MGAT4C: variants seen among roughly 807,000 people sequenced by gnomAD.
MGAT4C encodes the protein MGAT4 family member C, also known as alpha-1,3-mannosyl-glycoprotein 4-beta-N-acetylglucosaminyltransferase C.
MGAT4C carries 19 observed loss-of-function variants against 40.1 expected under a neutral mutation model. The observed-to-expected ratio is 0.47, with a 90% CI of 0.33 to 0.70. The LOEUF (loss-of-function observed/expected upper bound fraction) is 0.70, where lower values mean the gene tolerates loss of function less well. Ranked by LOEUF, MGAT4C falls within the 30% of genes least tolerant of loss-of-function variation. MGAT4C has a pLI of 0.02. For synonymous variants in MGAT4C, 181 were observed against 187.1 expected (o/e 0.97, Z 0.27); for missense variants, 491 against 563.2 (o/e 0.87, Z 1.30).
chr12:86,298,447 G>A (rs1953733759), intron 4 of MGAT4C, among the ~76,000 whole-genome samples: 1 of 152,008 alleles, frequency 6.6e-6, no homozygotes, highest in African/African-American at 2.4e-5. Flanking sequence ...TTATACATCA[G>A]CAACTTTTAT....
chr12:86,367,432 C>T (rs550462251), intron 3 of MGAT4C, among the ~76,000 whole-genome samples: 8 of 152,216 alleles, frequency 5.3e-5, no homozygotes, highest in African/African-American at 1.9e-4. Context: ...ACTCTCCCTC[C>T]CAGATAAGCA....
chr12:86,555,270 C>CA (rs1048943442), intron 2 of MGAT4C, among the ~76,000 whole-genome samples: 23 of 151,648 alleles, frequency 1.5e-4, no homozygotes, highest in African/African-American at 4.1e-4. Context: ...CCACAGTGTC[C>CA]AAAAAAAGAC....
At chr12:86,520,902 G>A (rs12579580) in intron 2 of MGAT4C, among the ~76,000 whole-genome samples, 9,741 of 151,956 alleles carry the variant, frequency 0.064, 743 homozygotes, top group East Asian at 0.24. Flanking sequence ...CTTGTCCTCT[G>A]TCCACTTTTT....
rs146742884 is a variant in MGAT4C at position 86,796,651 on chromosome 12, T to C, written c.-262+42015A>G. 7.0e-3 allele frequency among the ~76,000 whole-genome samples: 1,070 copies of C among 151,988 alleles called. 11 individuals carry two copies. Among genetic ancestry groups the C allele is most frequent in the African/African-American group, 0.025 (1,018 of 41,538 alleles). On this transcript the variant is annotated intron_variant, in intron 1 of 7. Transcript: ENST00000548651. ...CTATAGTTAACAATATATAGCATTC[T>C]TGAAAAATGTTAAGAGAATGGGTGT...
intron 3 of MGAT4C, among the ~76,000 whole-genome samples, chr12:86,406,787 T>C (rs1348222609): frequency 6.6e-6 from 1 of 152,266 alleles, no homozygotes; most frequent in East Asian, 1.9e-4. Flanking sequence ...TAAACTTTTT[T>C]ATCTCTTCAC....
intron 4 of MGAT4C, among the ~76,000 whole-genome samples, chr12:86,329,102 C>A (rs917196959): frequency 3.6e-5 from 5 of 139,316 alleles, no homozygotes; most frequent in African/African-American, 5.3e-5. Flanking sequence ...GACTCCATTT[C>A]AATAAATAAA....
At chr12:86,603,787 TATATA>T (rs1213339835) in intron 2 of MGAT4C, among the ~76,000 whole-genome samples, 1 of 23,610 alleles carries the variant, frequency 4.2e-5, no homozygotes, top group African/African-American at 7.0e-5. Context: ...TACTATATAA[TATATA>T]GTATATATAT....
At chr12:86,771,586 G>T (rs1951637520) in intron 1 of MGAT4C, among the ~76,000 whole-genome samples, 1 of 152,038 alleles carries the variant, frequency 6.6e-6, no homozygotes, top group South Asian at 2.1e-4. Flanking sequence ...GGTGGTTGAT[G>T]CCTGTAATCC....
intron 2 of MGAT4C, among the ~76,000 whole-genome samples, chr12:86,580,389 A>G (rs540629498): frequency 1.5e-4 from 22 of 151,520 alleles, no homozygotes; most frequent in Non-Finnish European, 2.7e-4. Flanking sequence ...GTCTAACACT[A>G]TATCTATCCC....
At chr12:86,630,563 T>C (rs1410553269) in intron 2 of MGAT4C, among the ~76,000 whole-genome samples, 1 of 151,688 alleles carries the variant, frequency 6.6e-6, no homozygotes, top group Non-Finnish European at 1.5e-5. Context: ...CAAGATCAAG[T>C]TGGTTTCATC....
intron 4 of MGAT4C, among the ~76,000 whole-genome samples, chr12:86,320,162 C>T (rs1242582110): frequency 2.0e-5 from 3 of 152,048 alleles, no homozygotes; most frequent in Admixed American, 6.6e-5. Context: ...TCTTTTTTTA[C>T]TCTCAGCTTG....
chr12:86,245,433 T>G (rs1951985014), intron 1 of MGAT4C, among the ~76,000 whole-genome samples: 1 of 152,212 alleles, frequency 6.6e-6, no homozygotes, highest in Non-Finnish European at 1.5e-5. Context: ...TTCTGCCTCC[T>G]TTTTTGAACT....
intron 3 of MGAT4C, among the ~76,000 whole-genome samples, chr12:86,399,260 G>T (rs992846084): frequency 1.3e-5 from 2 of 151,790 alleles, no homozygotes; most frequent in Non-Finnish European, 2.9e-5. Context: ...GCGAGCCACT[G>T]AGCCCATCCT....
At chr12:86,401,086 C>T (rs920850350) in intron 3 of MGAT4C, among the ~76,000 whole-genome samples, 2 of 151,870 alleles carry the variant, frequency 1.3e-5, no homozygotes, top group African/African-American at 4.8e-5. Flanking sequence ...TTGAATTTAT[C>T]TCAGTATTTT....
intron 1 of MGAT4C, among the ~76,000 whole-genome samples, chr12:86,086,646 C>T (rs1871904752): frequency 1.3e-5 from 2 of 151,888 alleles, no homozygotes; most frequent in Admixed American, 6.6e-5. Context: ...TATCCATTAC[C>T]TCAAGTATTT....
rs373850443 is a variant in MGAT4C, at chr12:86,185,656, T to G, written c.-57+70583A>C. ...TATATGTGACATCTTTACTTTGACT[T>G]GAAATCAGCAATTAACTGCAGATTG... On this transcript the variant is annotated intron_variant, in intron 1 of 4. Coordinates refer to ENST00000611864, the MANE Select transcript of MGAT4C (RefSeq NM_001351288.2). Among the ~76,000 whole-genome samples the G allele has an allele frequency of 1.2e-4, 19 of 152,316 alleles. No individual in the cohort carries two copies. The South Asian group carries it at 3.7e-3, about 30-fold the overall frequency.
intron 1 of MGAT4C, among the ~76,000 whole-genome samples, chr12:86,217,773 G>C (rs963955200): frequency 2.0e-5 from 3 of 152,134 alleles, no homozygotes; most frequent in Non-Finnish European, 4.4e-5. Flanking sequence ...CAAGTATGAA[G>C]AGATTTTGTT....
At chr12:86,738,964 A>C (rs1419900932) in intron 1 of MGAT4C, among the ~76,000 whole-genome samples, 1 of 150,802 alleles carries the variant, frequency 6.6e-6, no homozygotes, top group Non-Finnish European at 1.5e-5. Context: ...TAGCTATAGC[A>C]GAAAGGGACA....
At chr12:86,225,480 A>G (rs1371521243) in intron 1 of MGAT4C, among the ~76,000 whole-genome samples, 1 of 152,106 alleles carries the variant, frequency 6.6e-6, no homozygotes, top group East Asian at 1.9e-4. Context: ...CCATTAGACA[A>G]GGACATAACA....
Sources: allele counts gnomAD v4.1 joint callset (sites outside exome capture counted in the v4.1 genomes callset), GRCh38; gene constraint gnomAD v4.1.1; transcripts MANE v1.5; gene names NCBI Gene and HGNC (gene_info 2026-07-23, HGNC 2026-07-21).